The following SYNPR variants were observed in gnomAD, a reference collection of about 807,000 sequenced individuals.
SYNPR encodes the protein synaptoporin.
SYNPR carries 23 observed loss-of-function variants against 32.9 expected under a neutral mutation model. The ratio of observed to expected loss-of-function variants is 0.70; its 90% CI spans 0.50 to 0.99. The LOEUF (loss-of-function observed/expected upper bound fraction) is 0.99. SYNPR is among the 50% of genes least tolerant of loss of function. The probability of loss-of-function intolerance (pLI) is 0.00; values close to 1 mark genes in which losing one functional copy is unlikely to be tolerated. For synonymous variants in SYNPR, 146 were observed against 135.9 expected (o/e 1.07, Z -0.52); for missense variants, 318 against 349.3 (o/e 0.91, Z 0.71).
intron 2 of SYNPR, among the ~76,000 whole-genome samples, chr3:63,302,674 T>C (rs1273418933): frequency 1.3e-5 from 2 of 152,028 alleles, no homozygotes; most frequent in Non-Finnish European, 2.9e-5. Context: ...AATGGCCACA[T>C]TTAATAAATA....
At chr3:63,420,251 G>C (rs1699763710) in intron 2 of SYNPR, among the ~76,000 whole-genome samples, 2 of 152,080 alleles carry the variant, frequency 1.3e-5, no homozygotes. Flanking sequence ...TAAAATACAG[G>C]AAAGGCCGAG....
intron 2 of SYNPR, among the ~76,000 whole-genome samples, chr3:63,459,793 A>G (rs893563263): frequency 3.9e-5 from 6 of 152,074 alleles, no homozygotes; most frequent in African/African-American, 1.4e-4. Context: ...TTCTTTACAC[A>G]GACTCTGTAG....
chr3:63,408,270 A>G (rs2088403510), intron 2 of SYNPR, among the ~76,000 whole-genome samples: 2 of 119,284 alleles, frequency 1.7e-5, no homozygotes, highest in Non-Finnish European at 3.4e-5. Context: ...AGAAAGAAAG[A>G]AAGAAAGAGG....
rs562112839 is a variant in SYNPR, at chr3:63,403,403, T to C, written c.85-77429T>C. Among the ~76,000 whole-genome samples the C allele has an allele frequency of 4.1e-4, 61 of 149,858 alleles. 1 individual carries two copies. Among genetic ancestry groups the C allele is most frequent in the Admixed American group, 1.2e-3 (18 of 14,880 alleles). On this transcript the variant is annotated intron_variant, in intron 2 of 5. Transcript: ENST00000478300. ...ATATATATATGTACATACATATATA[T>C]ACACACACACACACATTCTCATACG...
intron 4 of SYNPR, among the ~76,000 whole-genome samples, chr3:63,563,854 G>T (rs1702736228): frequency 6.6e-6 from 1 of 151,720 alleles, no homozygotes; most frequent in Non-Finnish European, 1.5e-5. Context: ...CCCTTTTCAG[G>T]TCTCTGTGCT....
intron 2 of SYNPR, among the ~76,000 whole-genome samples, chr3:63,290,029 C>G (rs889651837): frequency 1.3e-5 from 2 of 151,788 alleles, no homozygotes; most frequent in Non-Finnish European, 2.9e-5. Flanking sequence ...ACTCGGGAGG[C>G]TGAGGCAGGA....
intron 2 of SYNPR, among the ~76,000 whole-genome samples, chr3:63,300,434 G>A (rs1413847021): frequency 6.6e-6 from 1 of 152,004 alleles, no homozygotes; most frequent in Non-Finnish European, 1.5e-5. Flanking sequence ...CACCAACCTG[G>A]TGCCAACATT....
intron 3 of SYNPR, among the ~76,000 whole-genome samples, chr3:63,544,955 A>G (rs1389900656): frequency 6.6e-6 from 1 of 151,992 alleles, no homozygotes. Context: ...AAGCTCAGAA[A>G]CACATGAGAC....
At chr3:63,393,015 T>G (rs547229630) in intron 2 of SYNPR, among the ~76,000 whole-genome samples, 12 of 152,182 alleles carry the variant, frequency 7.9e-5, no homozygotes, top group Non-Finnish European at 1.3e-4. Flanking sequence ...CTAAATGGTG[T>G]GGATGGGAGT....
intron 4 of SYNPR, among the ~76,000 whole-genome samples, chr3:63,572,400 C>G (rs948761769): frequency 5.3e-5 from 8 of 152,084 alleles, no homozygotes; most frequent in African/African-American, 1.9e-4. Context: ...AAGCATTGTT[C>G]TTGCAACAAG....
upstream of SYNPR, among the ~76,000 whole-genome samples, chr3:63,227,486 G>A (rs1050755459): frequency 3.9e-5 from 6 of 152,098 alleles, no homozygotes; most frequent in African/African-American, 1.4e-4. Context: ...CCAAACTACG[G>A]TCACTTAATC....
At chr3:63,317,587 GCCTTTTTCCAAC>G (rs1171241441) in intron 2 of SYNPR, among the ~76,000 whole-genome samples, 1 of 151,942 alleles carries the variant, frequency 6.6e-6, no homozygotes, top group Non-Finnish European at 1.5e-5. Context: ...TGCACAAAAT[GCCTTTTTCCAAC>G]CCTTTAAGTT....
intron 3 of SYNPR, among the ~76,000 whole-genome samples, chr3:63,536,115 T>C (rs1002509942): frequency 3.3e-5 from 5 of 151,658 alleles, no homozygotes; most frequent in African/African-American, 1.2e-4. Context: ...AAAAATAAAA[T>C]AAAAATTTTA....
At chr3:63,315,832 C>T (rs1429090051) in intron 2 of SYNPR, among the ~76,000 whole-genome samples, 3 of 151,780 alleles carry the variant, frequency 2.0e-5, no homozygotes, top group Admixed American at 6.6e-5. Flanking sequence ...TCAGAGGGAA[C>T]GCTTTTAACT....
chr3:63,218,150 T>TA, the SYNPR span, among the ~76,000 whole-genome samples: 1 of 152,072 alleles, frequency 6.6e-6, no homozygotes, highest in Non-Finnish European at 1.5e-5. Flanking sequence ...CATTAATAAA[T>TA]AATAAAATAA....
intron 2 of SYNPR, among the ~76,000 whole-genome samples, chr3:63,264,888 G>A (rs72878283): frequency 1.4e-5 from 2 of 148,068 alleles, no homozygotes; most frequent in African/African-American, 2.5e-5. Context: ...TCACTATCAC[G>A]ATAACAGCAT....
intron 2 of SYNPR, among the ~76,000 whole-genome samples, chr3:63,462,174 G>T (rs1280651918): frequency 6.6e-6 from 1 of 151,898 alleles, no homozygotes; most frequent in Non-Finnish European, 1.5e-5. Context: ...TTCAAGACTA[G>T]CTCCTTTTCT....
At chr3:63,467,786 C>T (rs1255710599) in intron 2 of SYNPR, among the ~76,000 whole-genome samples, 1 of 152,138 alleles carries the variant, frequency 6.6e-6, no homozygotes, top group African/African-American at 2.4e-5. Context: ...ATTTTAGTTT[C>T]GTTTCTTCTC....
intron 2 of SYNPR, among the ~76,000 whole-genome samples, chr3:63,317,287 G>A (rs1387927483): frequency 6.6e-6 from 1 of 151,648 alleles, no homozygotes; most frequent in African/African-American, 2.4e-5. Context: ...TTGTTTCTTT[G>A]TTGACTTTCC....
Sources: gnomAD v4.1 joint callset for allele counts (sites outside exome capture counted in the v4.1 genomes callset) on GRCh38, gnomAD v4.1.1 for gene constraint, MANE v1.5 for transcripts, NCBI Gene and HGNC (gene_info 2026-07-23, HGNC 2026-07-21) for gene names.